RORA: variants seen among roughly 807,000 people sequenced by gnomAD.
The protein encoded by RORA is RAR related orphan receptor A.
In RORA, 7 loss-of-function variants were observed where a neutral mutation model predicts 69.5. The observed-to-expected ratio is 0.10, with a 90% CI of 0.06 to 0.19. The LOEUF (loss-of-function observed/expected upper bound fraction) is 0.19. RORA is among the 10% of genes least tolerant of loss of function. The pLI is 1.00. For synonymous variants in RORA, 261 were observed against 240.8 expected (o/e 1.08, Z -0.78); for missense variants, 457 against 663.0 (o/e 0.69, Z 3.41).
chr15:60,786,480 T>C (rs989364252), intron 1 of RORA, among the ~76,000 whole-genome samples: 1 of 151,876 alleles, frequency 6.6e-6, no homozygotes, highest in African/African-American at 2.4e-5. Flanking sequence ...ACAGCAGGAG[T>C]GGGCTGGGCC....
At chr15:60,993,298 C>T (rs1256424677) in intron 1 of RORA, among the ~76,000 whole-genome samples, 1 of 152,156 alleles carries the variant, frequency 6.6e-6, no homozygotes, top group Non-Finnish European at 1.5e-5. Flanking sequence ...GAAGGTATTA[C>T]TGTCCCCCTT....
chr15:60,733,260 T>C (rs1422303360), intron 1 of RORA, among the ~76,000 whole-genome samples: 1 of 152,236 alleles, frequency 6.6e-6, no homozygotes, highest in Non-Finnish European at 1.5e-5. Flanking sequence ...TTCTTTGAAT[T>C]AGTAAAAACT....
intron 1 of RORA, among the ~76,000 whole-genome samples, chr15:60,991,810 G>A (rs540780522): frequency 1.1e-4 from 16 of 152,156 alleles, no homozygotes; most frequent in Admixed American, 2.6e-4. Context: ...GGTTGATGAG[G>A]AGGGAAGATT....
intron 1 of RORA, among the ~76,000 whole-genome samples, chr15:60,889,227 C>G (rs1030376665): frequency 6.6e-6 from 1 of 152,202 alleles, no homozygotes; most frequent in African/African-American, 2.4e-5. Context: ...GTGCTTCCAG[C>G]ACCACGCCCA....
rs340003 is a variant in RORA, at chr15:60,583,132, G to T, written c.197-51281C>A. ...AAAAGGGGGCTGGTGTCGCAGTGTG[G>T]AAGCAGGCAGGTAGTCCTTCTCCAC... On this transcript the variant is annotated intron_variant, in intron 2 of 10. Transcript: ENST00000335670. 5.2e-3 allele frequency among the ~76,000 whole-genome samples: 799 copies of T among 152,286 alleles called. 11 individuals carry two copies. The highest frequency in any genetic ancestry group is 0.018 in the African/African-American group (767 of 41,546).
intron 1 of RORA, among the ~76,000 whole-genome samples, chr15:60,715,324 G>C (rs1481736826): frequency 1.3e-5 from 2 of 152,176 alleles, no homozygotes; most frequent in East Asian, 3.9e-4. Context: ...TGAATAATGA[G>C]AAACTTTTTT....
chr15:61,133,010 C>T (rs1363432434), intron 1 of RORA, among the ~76,000 whole-genome samples: 3 of 151,810 alleles, frequency 2.0e-5, no homozygotes, highest in African/African-American at 4.8e-5. Context: ...CATCCAACTA[C>T]GGGAACAGAA....
intron 1 of RORA, among the ~76,000 whole-genome samples, chr15:60,969,704 G>A (rs192577018): frequency 3.3e-5 from 5 of 150,540 alleles, no homozygotes; most frequent in African/African-American, 1.0e-4. Context: ...CTCCATACAC[G>A]ATGGTGGTAC....
At chr15:60,648,049 C>T (rs560316297) in intron 2 of RORA, among the ~76,000 whole-genome samples, 2 of 152,256 alleles carry the variant, frequency 1.3e-5, no homozygotes, top group African/African-American at 4.8e-5. Context: ...ATGCTGACTT[C>T]GATTGGCTAA....
chr15:60,522,835 G>A (rs1392920047), intron 3 of RORA, among the ~76,000 whole-genome samples: 2 of 150,586 alleles, frequency 1.3e-5, no homozygotes, highest in African/African-American at 4.9e-5. Flanking sequence ...GCTTTGGGAG[G>A]CCGAGGTGGG....
chr15:61,170,218 A>G (rs1017451690), intron 1 of RORA, among the ~76,000 whole-genome samples: 80 of 152,348 alleles, frequency 5.3e-4, no homozygotes, highest in Non-Finnish European at 9.7e-4. Flanking sequence ...TCTGAAAGTC[A>G]GAAGTCTTCA....
At chr15:60,841,704 T>C (rs571743364) in intron 1 of RORA, among the ~76,000 whole-genome samples, 13 of 152,326 alleles carry the variant, frequency 8.5e-5, no homozygotes, top group African/African-American at 2.9e-4. Context: ...TCCACACACC[T>C]GGTCAGTCCA....
intron 1 of RORA, among the ~76,000 whole-genome samples, chr15:61,141,656 G>C (rs2079299856): frequency 6.6e-6 from 1 of 151,788 alleles, no homozygotes; most frequent in Admixed American, 6.5e-5. Context: ...GATTTCATAA[G>C]GACAAGATTG....
At chr15:60,740,466 A>C (rs2071561306) in intron 1 of RORA, among the ~76,000 whole-genome samples, 1 of 152,214 alleles carries the variant, frequency 6.6e-6, no homozygotes, top group African/African-American at 2.4e-5. Flanking sequence ...TACGACATTA[A>C]AGGCACCAAG....
At chr15:60,786,848 A>G (rs1399829423) in intron 1 of RORA, among the ~76,000 whole-genome samples, 2 of 152,232 alleles carry the variant, frequency 1.3e-5, no homozygotes, top group Non-Finnish European at 2.9e-5. Flanking sequence ...GAGTGCAGGT[A>G]AAGTCTTTCT....
intron 1 of RORA, among the ~76,000 whole-genome samples, chr15:61,084,485 C>T (rs2140674400): frequency 6.6e-6 from 1 of 152,252 alleles, no homozygotes; most frequent in South Asian, 2.1e-4. Flanking sequence ...TCAGAGGTAC[C>T]TAAATATAGG....
intron 1 of RORA, among the ~76,000 whole-genome samples, chr15:61,082,291 T>C (rs1051201599): frequency 1.3e-5 from 2 of 152,070 alleles, no homozygotes; most frequent in Non-Finnish European, 2.9e-5. Context: ...GAGTTGGAGA[T>C]CAGCCTGGCC....
At chr15:60,695,813 A>T (rs1357280416) in intron 1 of RORA, among the ~76,000 whole-genome samples, 1 of 152,100 alleles carries the variant, frequency 6.6e-6, no homozygotes, top group Non-Finnish European at 1.5e-5. Context: ...CGGAGGAAGC[A>T]AGTAAACTTT....
intron 1 of RORA, among the ~76,000 whole-genome samples, chr15:60,749,838 G>A (rs149252282): frequency 1.8e-3 from 281 of 152,230 alleles, no homozygotes; most frequent in African/African-American, 5.5e-3. Context: ...GATCAGCCTG[G>A]ACAACATAGT....
Sources: allele counts gnomAD v4.1 joint callset (sites outside exome capture counted in the v4.1 genomes callset), GRCh38; gene constraint gnomAD v4.1.1; transcripts MANE v1.5; gene names NCBI Gene and HGNC (gene_info 2026-07-23, HGNC 2026-07-21).